NRXN1: variants seen among roughly 807,000 people sequenced by gnomAD.
NRXN1 encodes neurexin-1.
A neutral mutation model predicts 150.9 loss-of-function variants in NRXN1; 39 were observed. The observed-to-expected ratio is 0.26, with a 90% CI of 0.20 to 0.34. NRXN1 has a LOEUF of 0.34. NRXN1 is among the 10% of genes least tolerant of loss of function. The probability of loss-of-function intolerance (pLI) is 1.00; values close to 1 mark genes in which losing one functional copy is unlikely to be tolerated. For synonymous variants in NRXN1, 924 were observed against 757.0 expected (o/e 1.22, Z -3.62); for missense variants, 1,815 against 1,949.9 (o/e 0.93, Z 1.30).
At chr2:50,316,193 G>T (rs1020853775) in intron 17 of NRXN1, among the ~76,000 whole-genome samples, 1 of 151,990 alleles carries the variant, frequency 6.6e-6, no homozygotes, top group Admixed American at 6.6e-5. Flanking sequence ...AATGTTGGGG[G>T]AAGAGGATTT....
chr2:50,870,207 C>T (rs1487941742), intron 5 of NRXN1, among the ~76,000 whole-genome samples: 2 of 151,814 alleles, frequency 1.3e-5, no homozygotes, highest in Admixed American at 6.6e-5. Context: ...TATCAAATTT[C>T]CTAGTATAAT....
At chr2:50,736,673 G>T (rs1050999107) in intron 5 of NRXN1, among the ~76,000 whole-genome samples, 2 of 152,072 alleles carry the variant, frequency 1.3e-5, no homozygotes, top group African/African-American at 4.8e-5. Context: ...CTTGTCTGCT[G>T]CCATGTAAGA....
intron 17 of NRXN1, among the ~76,000 whole-genome samples, chr2:50,292,642 T>C (rs1053807797): frequency 5.9e-5 from 9 of 152,202 alleles, no homozygotes; most frequent in African/African-American, 2.2e-4. Flanking sequence ...CAGCAACATA[T>C]AGCTGAAAAG....
intron 5 of NRXN1, among the ~76,000 whole-genome samples, chr2:50,700,367 T>C (rs1477636526): frequency 6.6e-6 from 1 of 152,204 alleles, no homozygotes; most frequent in Admixed American, 6.5e-5. Flanking sequence ...AACTTGACTG[T>C]ATCCTTTGCT....
At chr2:50,403,832 A>G (rs553599694) in intron 17 of NRXN1, among the ~76,000 whole-genome samples, 2 of 152,124 alleles carry the variant, frequency 1.3e-5, no homozygotes, top group Non-Finnish European at 2.9e-5. Flanking sequence ...AATAGACTCA[A>G]GTCTAAGCAG....
chr2:50,840,132 T>TA (rs1241197407), intron 5 of NRXN1, among the ~76,000 whole-genome samples: 2 of 152,186 alleles, frequency 1.3e-5, no homozygotes, highest in Non-Finnish European at 2.9e-5. Flanking sequence ...TTGAATGATA[T>TA]ATAGTCTCAT....
rs1688442622 is a variant in NRXN1, at chr2:50,935,726, A to G, written c.773-9771T>C. 2.0e-5 allele frequency among the ~76,000 whole-genome samples: 3 copies of G among 152,108 alleles called. No homozygotes were observed. In the South Asian group the frequency reaches 6.2e-4, roughly 32 times the overall value. On this transcript the variant is annotated intron_variant, in intron 2 of 22. Transcript: ENST00000401669. ...TAGGTAACAGGGCAAGACTGTCTCA[A>G]AAACAAAAAAGTAACCCGAATATGG...
chr2:50,456,974 T>C (rs1054358100), intron 17 of NRXN1, among the ~76,000 whole-genome samples: 3 of 152,156 alleles, frequency 2.0e-5, no homozygotes, highest in Non-Finnish European at 4.4e-5. Context: ...TTTCCCACTA[T>C]ACAGATTGTG....
chr2:50,280,846 GT>G (rs2071337221), intron 17 of NRXN1, among the ~76,000 whole-genome samples: 1 of 149,774 alleles, frequency 6.7e-6, no homozygotes, highest in African/African-American at 2.5e-5. Flanking sequence ...TCCTGTTTTT[GT>G]TTGGTTTGGT....
chr2:51,000,516 T>C (rs1699890499), intron 2 of NRXN1, among the ~76,000 whole-genome samples: 1 of 148,588 alleles, frequency 6.7e-6, no homozygotes, highest in South Asian at 2.2e-4. Context: ...GATTCTTATA[T>C]GAAATTGCTA....
chr2:50,945,982 T>C (rs922123715), intron 2 of NRXN1, among the ~76,000 whole-genome samples: 5 of 151,040 alleles, frequency 3.3e-5, no homozygotes, highest in African/African-American at 1.2e-4. Context: ...TCTTTTCAGC[T>C]CTATGTTTTA....
At chr2:49,992,469 A>G (rs1682162383) in intron 21 of NRXN1, among the ~76,000 whole-genome samples, 1 of 152,224 alleles carries the variant, frequency 6.6e-6, no homozygotes, top group Admixed American at 6.5e-5. Context: ...AGTCCCAGCT[A>G]GTCGGGAGGC....
intron 8 of NRXN1, among the ~76,000 whole-genome samples, chr2:50,596,780 G>A (rs901148542): frequency 6.6e-6 from 1 of 151,042 alleles, no homozygotes; most frequent in African/African-American, 2.4e-5. Flanking sequence ...ATTCAGTAGG[G>A]ATTTCCCTAG....
chr2:50,937,873 C>T (rs541094586), intron 2 of NRXN1, among the ~76,000 whole-genome samples: 1 of 152,078 alleles, frequency 6.6e-6, no homozygotes, highest in East Asian at 1.9e-4. Flanking sequence ...GTGATTTCAT[C>T]CTTGTGCAAG....
chr2:50,649,526 T>G (rs1034101806), intron 5 of NRXN1, among the ~76,000 whole-genome samples: 1 of 151,982 alleles, frequency 6.6e-6, no homozygotes, highest in African/African-American at 2.4e-5. Flanking sequence ...TGCAGAAATG[T>G]GTTCATTAGC....
At chr2:50,113,768 T>C (rs1415435788) in intron 18 of NRXN1, among the ~76,000 whole-genome samples, 4 of 152,174 alleles carry the variant, frequency 2.6e-5, no homozygotes, top group African/African-American at 9.7e-5. Flanking sequence ...GAGGATCACA[T>C]CACTTAGATG....
intron 17 of NRXN1, among the ~76,000 whole-genome samples, chr2:50,409,272 C>A (rs1306292418): frequency 6.6e-6 from 1 of 152,214 alleles, no homozygotes; most frequent in Non-Finnish European, 1.5e-5. Flanking sequence ...CCCCACCCTT[C>A]GAGTTTGAAG....
intron 21 of NRXN1, among the ~76,000 whole-genome samples, chr2:49,978,541 T>C (rs904725049): frequency 6.6e-6 from 1 of 152,102 alleles, no homozygotes; most frequent in African/African-American, 2.4e-5. Flanking sequence ...TCAGGGTTAG[T>C]GCAGCAAGGC....
intron 5 of NRXN1, among the ~76,000 whole-genome samples, chr2:50,706,761 A>G (rs184603396): frequency 1.4e-3 from 212 of 152,216 alleles, no homozygotes; most frequent in African/African-American, 4.9e-3. Flanking sequence ...TAATTTCAAT[A>G]TGATAGCAGA....
Sources: gnomAD v4.1 joint callset for allele counts (sites outside exome capture counted in the v4.1 genomes callset) on GRCh38, gnomAD v4.1.1 for gene constraint, MANE v1.5 for transcripts, NCBI Gene and HGNC (gene_info 2026-07-23, HGNC 2026-07-21) for gene names.